WIPF2: variants seen among roughly 807,000 people sequenced by gnomAD.
WIPF2 encodes the protein WAS/WASL-interacting protein family member 2.
WIPF2 carries 23 observed loss-of-function variants against 38.8 expected under a neutral mutation model. The observed-to-expected ratio is 0.59, with a 90% CI of 0.43 to 0.84. The LOEUF is 0.84. WIPF2 is among the 40% of genes least tolerant of loss of function. The probability of loss-of-function intolerance (pLI) is 0.00; values close to 1 mark genes in which losing one functional copy is unlikely to be tolerated. For synonymous variants in WIPF2, 210 were observed against 223.2 expected (o/e 0.94, Z 0.53); for missense variants, 574 against 580.5 (o/e 0.99, Z 0.11).
chr17:40,244,578 C>T (rs1349683547), intron 1 of WIPF2, among the ~76,000 whole-genome samples: 4 of 152,076 alleles, frequency 2.6e-5, no homozygotes, highest in Non-Finnish European at 5.9e-5. Flanking sequence ...GATAACCGAT[C>T]GAACTTCTGG....
chr17:40,282,131 AAAAG>A lies in WIPF2; in HGVS notation c.*3907_*3910del, dbSNP rs1476936758. 2 of 151,832 alleles carry A rather than the reference AAAAG, an allele frequency of 1.3e-5. No individual in the cohort carries two copies. Among genetic ancestry groups the A allele is most frequent in the Non-Finnish European group, 2.9e-5 (2 of 67,968 alleles). The allele number at this position is 151,832 out of a possible 1,614,324, so 9.4% of individuals were successfully genotyped here. ...ACACGCAAAAAAAAAAAAAAAAAAAAAAAGGATAACTTTAACCGAAGGAAGGGTT... is the reference window on the plus strand; with the variant it reads ...ACACGCAAAAAAAAAAAAAAAAAAAAGATAACTTTAACCGAAGGAAGGGTT... On this transcript the variant is annotated 3_prime_UTR_variant, in exon 8 of 8. Transcript: ENST00000323571.
intron 6 of WIPF2, among the ~76,000 whole-genome samples, chr17:40,276,177 A>C (rs565100768): frequency 6.6e-6 from 1 of 152,288 alleles, no homozygotes; most frequent in South Asian, 2.1e-4. Context: ...AATTCCTACC[A>C]ATTTCTGGAT....
Position 40,236,187 on chromosome 17 carries a change from C to T in WIPF2, c.-70+16695C>T, listed in dbSNP as rs559064649. Among the ~76,000 whole-genome samples, 7 of 150,696 alleles carry T rather than the reference C, an allele frequency of 4.6e-5. No homozygotes were observed. In the South Asian group the frequency reaches 6.3e-4, roughly 14 times the overall value. On this transcript the variant is annotated intron_variant, in intron 1 of 7. Coordinates refer to ENST00000323571, the MANE Select transcript of WIPF2 (RefSeq NM_133264.5). ...TTCACCGTGTTGGCCATGCTGGTCTCGAACTCCTGACCTCGGGGTGATCCA... is the reference window on the plus strand; with the variant it reads ...TTCACCGTGTTGGCCATGCTGGTCTTGAACTCCTGACCTCGGGGTGATCCA...
intron 1 of WIPF2, among the ~76,000 whole-genome samples, chr17:40,244,543 C>A (rs1383741620): frequency 1.3e-5 from 2 of 152,132 alleles, no homozygotes; most frequent in Non-Finnish European, 2.9e-5. Flanking sequence ...GCCAGGAGAT[C>A]AAGTATAGTC....
At chr17:40,260,857 T>A in intron 3 of WIPF2, 190 bp downstream of exon 3, 1 of 782,002 alleles carries the variant, frequency 1.3e-6, no homozygotes, top group Non-Finnish European at 2.1e-6. Flanking sequence ...ATCTCAGGAT[T>A]AAGGTTACCA....
At chr17:40,233,494 C>CT (rs879430351) in intron 1 of WIPF2, among the ~76,000 whole-genome samples, 76 of 145,648 alleles carry the variant, frequency 5.2e-4, no homozygotes, top group African/African-American at 1.1e-3. Context: ...TTTATTCTTT[C>CT]TTTTTTTTTT....
intron 5 of WIPF2, among the ~76,000 whole-genome samples, chr17:40,272,167 G>C (rs2032269659): frequency 6.6e-6 from 1 of 151,968 alleles, no homozygotes; most frequent in African/African-American, 2.4e-5. Flanking sequence ...TTACAGGCAT[G>C]CACCACCACA....
At chr17:40,270,593 C>T (rs183555234) in intron 5 of WIPF2, among the ~76,000 whole-genome samples, 2 of 152,204 alleles carry the variant, frequency 1.3e-5, no homozygotes, top group African/African-American at 4.8e-5. Context: ...TACCTTGCTG[C>T]CCTGGCCTAG....
intron 1 of WIPF2, among the ~76,000 whole-genome samples, chr17:40,252,991 C>T (rs959274711): frequency 6.6e-6 from 1 of 151,732 alleles, no homozygotes; most frequent in African/African-American, 2.4e-5. Context: ...GTCTCGAACT[C>T]CTGGCCTCAG....
rs2032533230 is a variant in WIPF2, at chr17:40,280,925, T to G, written c.*2700T>G. 6.6e-6 allele frequency: 1 copy of G among 152,646 alleles called. No homozygotes were observed. Among genetic ancestry groups the G allele is most frequent in the Non-Finnish European group, 1.5e-5 (1 of 68,040 alleles). The allele number at this position is 152,646 out of a possible 1,614,324, so 9.5% of individuals were successfully genotyped here. On this transcript the variant is annotated 3_prime_UTR_variant, in exon 8 of 8. Coordinates refer to ENST00000323571, the MANE Select transcript of WIPF2 (RefSeq NM_133264.5). The stretch of plus-strand genomic sequence containing the variant: ...CTGTTTAAATGTCTGCCTTATATGT[T>G]ATTTGGTCCCACTGTTAATAATAGA...
In WIPF2 at chr17:40,283,192, A is replaced by AAAAAAAG; in HGVS notation, c.*4967_*4968insAAAAAAG. 7.1e-6 allele frequency: 1 copy of AAAAAAAG among 140,990 alleles called. No homozygotes were observed. Among genetic ancestry groups the AAAAAAAG allele is most frequent in the East Asian group, 2.1e-4 (1 of 4,698 alleles). 8.7% of individuals were successfully genotyped at this position (140,990 alleles called of 1,614,324 possible). A position where few individuals can be genotyped will look rare whatever the true frequency, so the allele number is the denominator to read the frequency against. ...AAAAAAAAAAAAAAAAAAAAAAAAA[A>AAAAAAAG]TTCTAGAGTTCTAGTTACCCTTCCT... On this transcript the variant is annotated 3_prime_UTR_variant, in exon 8 of 8. Transcript: ENST00000323571.
intron 1 of WIPF2, among the ~76,000 whole-genome samples, chr17:40,222,583 GTGTT>G (rs796829661): frequency 4.7e-5 from 7 of 147,462 alleles, no homozygotes; most frequent in African/African-American, 1.7e-4. Context: ...ATGTGTGTGT[GTGTT>G]TGTGTGTGTG....
At chr17:40,247,631 C>T (rs1021973303) in intron 1 of WIPF2, among the ~76,000 whole-genome samples, 5 of 151,672 alleles carry the variant, frequency 3.3e-5, no homozygotes, top group East Asian at 3.9e-4. Flanking sequence ...AAGTGATTCT[C>T]GTGCCTCAGC....
In WIPF2 at chr17:40,264,657, C is replaced by T. The variant is rs552872173; in HGVS notation, c.481C>T (p.Arg161Trp). 2.5e-5 allele frequency: 40 copies of T among 1,613,546 alleles called. No individual in the cohort carries two copies. In the East Asian group the frequency reaches 2.9e-4, roughly 12 times the overall value. Residue 161 changes from arginine (R) to tryptophan (W), a missense_variant, in exon 5 of 8, where the codon CGG becomes TGG. By Grantham distance (101) the Arg-to-Trp change is moderately radical. Coordinates refer to ENST00000323571, the MANE Select transcript of WIPF2 (RefSeq NM_133264.5). ...GAGACCCTCTTTACCGGACCTCTCT[C>T]GGCCTAATACCACCAGCAGTACGGG... is the stretch of plus-strand genomic sequence containing the variant. ...MQRPSLPDLS[R>W]PNTTSSTGMK... is the part of the protein sequence containing the mutation.
At chr17:40,237,397 C>T (rs541493513) in intron 1 of WIPF2, among the ~76,000 whole-genome samples, 30 of 152,006 alleles carry the variant, frequency 2.0e-4, no homozygotes, top group African/African-American at 7.0e-4. Flanking sequence ...TGCGCCACAA[C>T]GCCCGCCTGA....
At chr17:40,232,723 T>C (rs1416535723) in intron 1 of WIPF2, among the ~76,000 whole-genome samples, 1 of 150,712 alleles carries the variant, frequency 6.6e-6, no homozygotes, top group Non-Finnish European at 1.5e-5. Flanking sequence ...CACTGCAACC[T>C]CTGCCTCCTG....
intron 1 of WIPF2, among the ~76,000 whole-genome samples, chr17:40,225,664 C>T (rs2030449523): frequency 6.6e-6 from 1 of 152,030 alleles, no homozygotes; most frequent in African/African-American, 2.4e-5. Context: ...GAAGATCATT[C>T]CCTTTTTATT....
Position 40,264,565 on chromosome 17 carries a change from C to T in WIPF2, c.389C>T (p.Ala130Val), listed in dbSNP as rs747189503. The change falls in exon 5 of 8, where the codon GCC becomes GTC. Residue 130 changes from alanine to valine, a missense_variant. Transcript: ENST00000323571. The stretch of plus-strand genomic sequence containing the variant: ...GCCCCAAGGCCTCCAGTATCTGCCG[C>T]CAGCGGGCGTCCTCAGGATGATACA... ...AAAPRPPVSAASGRPQDDTDS... is the reference protein window; with the variant it reads ...AAAPRPPVSAVSGRPQDDTDS... 14 of 1,613,986 alleles carry T rather than the reference C, an allele frequency of 8.7e-6. No individual in the cohort carries two copies. The African/African-American group carries it at 1.7e-4, about 20-fold the overall frequency.
intron 2 of WIPF2, among the ~76,000 whole-genome samples, chr17:40,256,775 C>T (rs745873544): frequency 1.3e-5 from 2 of 152,046 alleles, no homozygotes; most frequent in African/African-American, 4.8e-5. Context: ...GGAGAATAAA[C>T]AAGTCCATCT....
Sources: gnomAD v4.1 joint callset for allele counts (sites outside exome capture counted in the v4.1 genomes callset) on GRCh38, gnomAD v4.1.1 for gene constraint, MANE v1.5 for transcripts, NCBI Gene and HGNC (gene_info 2026-07-23, HGNC 2026-07-21) for gene names.